RALGPS1: variants seen among roughly 807,000 people sequenced by gnomAD.
RALGPS1 encodes the protein Ral GEF with PH domain and SH3 binding motif 1.
In RALGPS1, 19 loss-of-function variants were observed where a neutral mutation model predicts 78.8. The ratio of observed to expected loss-of-function variants is 0.24; its 90% CI spans 0.17 to 0.35. The LOEUF is 0.35. Ranked by LOEUF, RALGPS1 falls within the 10% of genes least tolerant of loss-of-function variation. The probability of loss-of-function intolerance (pLI) is 1.00; values close to 1 mark genes in which losing one functional copy is unlikely to be tolerated. For missense variants in RALGPS1, 454 were observed against 688.3 expected, an observed-to-expected ratio of 0.66 and a Z score of 3.81; for synonymous variants, 228 against 256.3, an observed-to-expected ratio of 0.89 and a Z score of 1.06.
chr9:127,034,320 A>G (rs2046675577), intron 4 of RALGPS1, 111 bp from the exon 5 acceptor site: 3 of 920,978 alleles, frequency 3.3e-6, no homozygotes, highest in Non-Finnish European at 5.3e-6. Flanking sequence ...GGAACAGCCA[A>G]GGTGTCAGCC....
intron 1 of RALGPS1, chr9:126,915,564 T>C (rs7039000): frequency 0.38 from 58,421 of 152,114 alleles, 12,993 homozygotes; most frequent in Non-Finnish European, 0.48. Context: ...GAGCGGGGGC[T>C]TTGGGCTCCC....
At chr9:127,192,878 G>A (rs1170302393) in intron 11 of RALGPS1, among the ~76,000 whole-genome samples, 1 of 152,126 alleles carries the variant, frequency 6.6e-6, no homozygotes, top group African/African-American at 2.4e-5. Context: ...AAGGAAGGAG[G>A]GCATTTTGAG....
chr9:126,955,285 G>A (rs560148844), intron 1 of RALGPS1, among the ~76,000 whole-genome samples: 32 of 152,336 alleles, frequency 2.1e-4, no homozygotes, highest in African/African-American at 7.5e-4. Flanking sequence ...GCCTGGGACA[G>A]AGGTTCTTGA....
At chr9:127,151,127 C>T (rs930692352) in intron 8 of RALGPS1, among the ~76,000 whole-genome samples, 7 of 151,330 alleles carry the variant, frequency 4.6e-5, no homozygotes, top group African/African-American at 1.7e-4. Context: ...GAGGTTGCAG[C>T]GAGCAGAGAT....
At chr9:126,917,125 T>C (rs970650324) in intron 1 of RALGPS1, among the ~76,000 whole-genome samples, 1 of 152,086 alleles carries the variant, frequency 6.6e-6, no homozygotes, top group African/African-American at 2.4e-5. Flanking sequence ...TTACCACTAG[T>C]TGGTGCAGTG....
intron 4 of RALGPS1, among the ~76,000 whole-genome samples, chr9:127,001,322 TG>T: frequency 6.6e-6 from 1 of 152,092 alleles, no homozygotes; most frequent in East Asian, 1.9e-4. Context: ...CACTATTTTT[TG>T]TTCTCTTTTC....
At chr9:126,926,391 C>T (rs571751629) in intron 1 of RALGPS1, among the ~76,000 whole-genome samples, 47 of 152,286 alleles carry the variant, frequency 3.1e-4, no homozygotes, top group Admixed American at 1.4e-3. Flanking sequence ...CTCACAGGCT[C>T]TTAAAGATTT....
At chr9:127,186,194 G>A (rs1031102928) in intron 11 of RALGPS1, among the ~76,000 whole-genome samples, 6 of 152,076 alleles carry the variant, frequency 3.9e-5, no homozygotes, top group South Asian at 2.1e-4. Context: ...ATGATATCTC[G>A]TTCCCCACAG....
At chr9:127,076,943 C>G (rs1247297863) in intron 8 of RALGPS1, among the ~76,000 whole-genome samples, 1 of 152,064 alleles carries the variant, frequency 6.6e-6, no homozygotes, top group Non-Finnish European at 1.5e-5. Flanking sequence ...GTGCAAGAAC[C>G]CTAAAGTGAG....
At chr9:127,149,432 C>A (rs2058292752) in intron 8 of RALGPS1, among the ~76,000 whole-genome samples, 1 of 152,242 alleles carries the variant, frequency 6.6e-6, no homozygotes, top group African/African-American at 2.4e-5. Flanking sequence ...TGGAGCTCGG[C>A]ACCATGAGCC....
At chr9:127,041,005 A>G (rs1431932750) in intron 5 of RALGPS1, among the ~76,000 whole-genome samples, 2 of 145,490 alleles carry the variant, frequency 1.4e-5, no homozygotes, top group Non-Finnish European at 3.0e-5. Flanking sequence ...AGTTTTCACA[A>G]CTATGAATAA....
At chr9:127,082,929 G>A (rs375290046) in intron 8 of RALGPS1, among the ~76,000 whole-genome samples, 3 of 152,138 alleles carry the variant, frequency 2.0e-5, no homozygotes, top group South Asian at 2.1e-4. Flanking sequence ...GAAGGGCAGC[G>A]TACCCAGGAA....
At chr9:127,114,628 C>T (rs554915076) in intron 8 of RALGPS1, among the ~76,000 whole-genome samples, 27 of 152,346 alleles carry the variant, frequency 1.8e-4, no homozygotes, top group African/African-American at 6.5e-4. Context: ...GAACCACCCC[C>T]TCACCACCCG....
chr9:126,979,239 TTATGTGTG>T (rs774120414), intron 4 of RALGPS1, among the ~76,000 whole-genome samples: 4 of 92,094 alleles, frequency 4.3e-5, no homozygotes, highest in African/African-American at 7.3e-5. Flanking sequence ...TATTGTATTA[TTATGTGTG>T]TGTGTGTGTG....
At chr9:126,928,919 C>T (rs577397957) in intron 1 of RALGPS1, among the ~76,000 whole-genome samples, 9 of 152,176 alleles carry the variant, frequency 5.9e-5, no homozygotes, top group African/African-American at 2.2e-4. Context: ...CTCTTACTGG[C>T]TGTGAGTTCT....
In RALGPS1 at chr9:127,183,180, C is replaced by T. The variant is rs1021816969; in HGVS notation, c.910+8398C>T. On this transcript the variant is annotated intron_variant, in intron 11 of 18. Transcript: ENST00000259351. This position sits in a 1 kb window ranked among gnomAD's most constrained non-coding sequence, Gnocchi z 4.0. ...ACCCAGTCACCCCACCAGGCCTCGCCTCCAACACTGGGAATCACATTTCAA... is the reference window on the plus strand; with the variant it reads ...ACCCAGTCACCCCACCAGGCCTCGCTTCCAACACTGGGAATCACATTTCAA... Among the ~76,000 whole-genome samples, 2 of 152,198 alleles carry T rather than the reference C, an allele frequency of 1.3e-5. No homozygotes were observed. The highest frequency in any genetic ancestry group is 1.3e-4 in the Admixed American group (2 of 15,290).
chr9:127,046,554 A>G (rs940900045), intron 5 of RALGPS1, among the ~76,000 whole-genome samples: 1 of 152,036 alleles, frequency 6.6e-6, no homozygotes, highest in African/African-American at 2.4e-5. Context: ...CAATGTCTAC[A>G]TGCTCTTGGT....
At chr9:127,200,346 T>C (rs1157808157) in intron 14 of RALGPS1, among the ~76,000 whole-genome samples, 1 of 152,260 alleles carries the variant, frequency 6.6e-6, no homozygotes, top group African/African-American at 2.4e-5. Flanking sequence ...TGCATGGATG[T>C]ACCAAATCCT....
chr9:127,164,241 T>A (rs1290922674), intron 8 of RALGPS1, among the ~76,000 whole-genome samples: 1 of 152,042 alleles, frequency 6.6e-6, no homozygotes, highest in Non-Finnish European at 1.5e-5. Context: ...AAGCTTGTTA[T>A]TATTATTATT....
Sources: allele counts gnomAD v4.1 joint callset (sites outside exome capture counted in the v4.1 genomes callset), GRCh38; gene constraint gnomAD v4.1.1; non-coding constraint Gnocchi (gnomAD v3.1); transcripts MANE v1.5; gene names NCBI Gene and HGNC (gene_info 2026-07-23, HGNC 2026-07-21).